The following DDX19B variants were observed in gnomAD, a reference collection of about 807,000 sequenced individuals.
DDX19B encodes DEAD-box helicase 19B.
In DDX19B, 27 loss-of-function variants were observed where a neutral mutation model predicts 58.1. The ratio of observed to expected loss-of-function variants is 0.46; its 90% confidence interval spans 0.34 to 0.64. DDX19B has a LOEUF of 0.64. Ranked by LOEUF, DDX19B falls within the 30% of genes least tolerant of loss-of-function variation. The pLI is 0.01. For synonymous variants in DDX19B, 187 were observed against 214.4 expected, an observed-to-expected ratio of 0.87 and a Z score of 1.12; for missense variants, 399 against 596.5, an observed-to-expected ratio of 0.67 and a Z score of 3.45.
chr16:70,307,194 T>C (rs1462697200), intron 1 of DDX19B, among the ~76,000 whole-genome samples: 2 of 152,162 alleles, frequency 1.3e-5, no homozygotes, highest in Non-Finnish European at 2.9e-5. Flanking sequence ...TGTACAAGTT[T>C]TTGTGTGGAC....
upstream of DDX19B, among the ~76,000 whole-genome samples, chr16:70,293,434 A>C (rs1211610585): frequency 2.6e-5 from 4 of 151,358 alleles, no homozygotes; most frequent in Non-Finnish European, 5.9e-5. Flanking sequence ...AAAAAAAAAG[A>C]AAGAAATGGA....
intron 5 of DDX19B, chr16:70,317,918 C>G: frequency 6.2e-6 from 1 of 160,338 alleles, no homozygotes; most frequent in Admixed American, 6.5e-5. Flanking sequence ...GTACTCCATT[C>G]TGGGCAACAA....
At chr16:70,321,962 G>A (rs546798727) in intron 5 of DDX19B, among the ~76,000 whole-genome samples, 2 of 151,896 alleles carry the variant, frequency 1.3e-5, no homozygotes, top group Non-Finnish European at 2.9e-5. Flanking sequence ...TTGAACCTGG[G>A]AGACGGAGGT....
chr16:70,299,504 T>C, intron 1 of DDX19B, 150 bp downstream of exon 1: 1 of 937,488 alleles, frequency 1.1e-6, no homozygotes, highest in Non-Finnish European at 1.5e-6. Context: ...TGGCTTTGTT[T>C]ACGCAGCCGC....
Position 70,316,019 on chromosome 16 carries a change from G to A in DDX19B, c.211G>A (p.Val71Ile). 1 of 1,614,032 alleles carries A rather than the reference G, an allele frequency of 6.2e-7. No individual in the cohort carries two copies. The highest frequency in any genetic ancestry group is 8.5e-7 in the Non-Finnish European group (1 of 1,180,028). The change falls in exon 4 of 12, where the codon GTT becomes ATT. Residue 71 changes from valine (V) to isoleucine (I), a missense_variant. Around this residue, in one of 4 missense-constraint regions of DDX19B, gnomAD observed 132 missense variants for 159.4 expected, o/e 0.83. Transcript: ENST00000288071. ...CAACAAGCTGATCAGAAGCAACCTTGTTGATAACACAAACCAAGTGGAAGT... is the reference window on the plus strand; with the variant it reads ...CAACAAGCTGATCAGAAGCAACCTTATTGATAACACAAACCAAGTGGAAGT... The part of the protein sequence containing the change: ...LLNKLIRSNL[V>I]DNTNQVEVLQ...
rs368614673 is a variant in DDX19B at position 70,333,460 on chromosome 16, C to T, written c.1379-61C>T. On this transcript the variant is annotated intron_variant, in intron 11 of 11. Coordinates refer to ENST00000288071, the MANE Select transcript of DDX19B (RefSeq NM_007242.7). Reference sequence around the variant, plus strand: ...GCCTTTGGGGCTGAATGAATGATTGCTGTGGCCCAAGATGGGGCACATTCC... The same window carrying T: ...GCCTTTGGGGCTGAATGAATGATTGTTGTGGCCCAAGATGGGGCACATTCC... 126 of 1,612,536 alleles carry T rather than the reference C, an allele frequency of 7.8e-5. No homozygotes were observed. In the African/African-American group the frequency reaches 1.6e-3, roughly 20 times the overall value.
intron 5 of DDX19B, among the ~76,000 whole-genome samples, chr16:70,321,273 T>G (rs998646133): frequency 2.0e-5 from 3 of 152,114 alleles, no homozygotes; most frequent in Non-Finnish European, 4.4e-5. Context: ...TCAGGCTTTT[T>G]TTTGTTTTGT....
intron 1 of DDX19B, among the ~76,000 whole-genome samples, chr16:70,311,564 T>C (rs1962096543): frequency 6.6e-6 from 1 of 152,170 alleles, no homozygotes; most frequent in Non-Finnish European, 1.5e-5. Flanking sequence ...ATAGAGGAGA[T>C]AAGACCTGCT....
At chr16:70,294,702 A>T, upstream of DDX19B, 2 of 526,978 alleles carry the variant, frequency 3.8e-6, no homozygotes. Context: ...TGGCCCCCAG[A>T]GTTCCTGGGG....
intron 7 of DDX19B, 106 bp downstream of exon 7, chr16:70,325,794 T>C (rs1963113663): frequency 2.4e-6 from 2 of 840,670 alleles, no homozygotes; most frequent in Non-Finnish European, 3.9e-6. Context: ...ACATGTATGT[T>C]CTCCAGCTAG....
chr16:70,325,924 G>C (rs1341983822), intron 7 of DDX19B, among the ~76,000 whole-genome samples: 1 of 152,138 alleles, frequency 6.6e-6, no homozygotes, highest in Non-Finnish European at 1.5e-5. Context: ...CATACCTATG[G>C]ATACCCTTTT....
chr16:70,294,858 G>C, upstream of DDX19B: 1 of 1,522,878 alleles, frequency 6.6e-7, no homozygotes, highest in Non-Finnish European at 8.8e-7. Context: ...GGCTGGGGCT[G>C]CCGGGCGCGT....
At position 70,312,463 on chromosome 16, in the gene DDX19B, C is replaced by T. The variant is rs941248655; in HGVS notation, c.58-146C>T. 19 of 715,468 alleles carry T rather than the reference C, an allele frequency of 2.7e-5. No homozygotes were observed. The East Asian group carries it at 4.0e-4, about 15-fold the overall frequency. 44.3% of individuals were successfully genotyped at this position (715,468 alleles called of 1,614,324 possible). ...TTATTCTCATCAGACATTTAGTAAA[C>T]GGAACAACCCAATGAATTGGTCCTA... is the stretch of plus-strand genomic sequence containing the variant. On this transcript the variant is annotated intron_variant, in intron 1 of 11. Transcript: ENST00000288071.
At chr16:70,305,234 T>C (rs183283715) in intron 1 of DDX19B, among the ~76,000 whole-genome samples, 3 of 152,318 alleles carry the variant, frequency 2.0e-5, no homozygotes, top group Admixed American at 1.3e-4. Context: ...TCTAAACTCC[T>C]GCCTAGATGG....
chr16:70,329,718 C>T lies in DDX19B; in HGVS notation c.786-113C>T, dbSNP rs77870639. On this transcript the variant is annotated intron_variant, in intron 8 of 11. Transcript: ENST00000288071. ...GGCCTGCTGCTCCTCCTCCCCAAGA[C>T]GCTCCTCTCCCATCAGCCTTCCTGG... 9.0e-4 allele frequency: 1,283 copies of T among 1,432,946 alleles called. 16 individuals are homozygous for T. The East Asian group carries it at 0.019, about 21-fold the overall frequency. The allele number at this position is 1,432,946 out of a possible 1,614,324, so 88.8% of individuals were successfully genotyped here. A position where few individuals can be genotyped will look rare whatever the true frequency, so the allele number is the denominator to read the frequency against.
At chr16:70,311,132 G>A (rs1597473897) in intron 1 of DDX19B, among the ~76,000 whole-genome samples, 1 of 151,860 alleles carries the variant, frequency 6.6e-6, no homozygotes, top group African/African-American at 2.4e-5. Flanking sequence ...CCAGCACTTT[G>A]GGAGGCTGAG....
chr16:70,290,467 C>G (rs1250420381), upstream of DDX19B, among the ~76,000 whole-genome samples: 4 of 151,924 alleles, frequency 2.6e-5, no homozygotes, highest in Non-Finnish European at 4.4e-5. Flanking sequence ...GCGGAAGTTG[C>G]GGTGAGCCGA....
chr16:70,291,715 G>A (rs1961065101), upstream of DDX19B, among the ~76,000 whole-genome samples: 1 of 152,098 alleles, frequency 6.6e-6, no homozygotes, highest in African/African-American at 2.4e-5. Flanking sequence ...GGAGGCTGAG[G>A]CAGGAGAATG....
intron 1 of DDX19B, among the ~76,000 whole-genome samples, chr16:70,306,005 C>T (rs574972453): frequency 5.9e-5 from 9 of 152,066 alleles, no homozygotes; most frequent in Admixed American, 1.3e-4. Context: ...CCTCGTGATC[C>T]GCCCGCCTCG....
Sources: gnomAD v4.1 joint callset for allele counts (sites outside exome capture counted in the v4.1 genomes callset) on GRCh38, gnomAD v4.1.1 for gene constraint, gnomAD v4.1.1 regional missense constraint, MANE v1.5 for transcripts, NCBI Gene and HGNC (gene_info 2026-07-23, HGNC 2026-07-21) for gene names.